SESTD1: variants seen among roughly 807,000 people sequenced by gnomAD.
The protein encoded by SESTD1 is SEC14 domain and spectrin repeat-containing protein 1.
A neutral mutation model predicts 101.7 loss-of-function variants in SESTD1; 43 were observed. The ratio of observed to expected loss-of-function variants is 0.42; its 90% confidence interval spans 0.33 to 0.55. The LOEUF is 0.55. Ranked by LOEUF, SESTD1 falls within the 20% of genes least tolerant of loss-of-function variation. The probability of loss-of-function intolerance (pLI) is 0.07; values close to 1 mark genes in which losing one functional copy is unlikely to be tolerated. For synonymous variants in SESTD1, 283 were observed against 286.8 expected, an observed-to-expected ratio of 0.99 and a Z score of 0.13; for missense variants, 647 against 815.1, an observed-to-expected ratio of 0.79 and a Z score of 2.51.
At chr2:179,158,668 TAAA>T (rs2045675647) in intron 5 of SESTD1, among the ~76,000 whole-genome samples, 1 of 152,196 alleles carries the variant, frequency 6.6e-6, no homozygotes, top group African/African-American at 2.4e-5. Context: ...AAAATAGTTT[TAAA>T]TAAGGGAAGG....
At chr2:179,194,779 AAACCCAG>A (rs1200348472) in intron 1 of SESTD1, among the ~76,000 whole-genome samples, 1 of 152,190 alleles carries the variant, frequency 6.6e-6, no homozygotes, top group Non-Finnish European at 1.5e-5. Flanking sequence ...GGTCAAATTA[AAACCCAG>A]CCCTATTTTA....
intron 1 of SESTD1, among the ~76,000 whole-genome samples, chr2:179,209,622 C>T (rs528460270): frequency 7.4e-6 from 1 of 134,414 alleles, no homozygotes; most frequent in Admixed American, 7.2e-5. Context: ...ATCTTTTGGG[C>T]AACAATAAAA....
chr2:179,164,621 T>A (rs1367122700), intron 5 of SESTD1, among the ~76,000 whole-genome samples: 1 of 152,188 alleles, frequency 6.6e-6, no homozygotes, highest in Non-Finnish European at 1.5e-5. Flanking sequence ...CAGGTAGGTA[T>A]CTATGTCAGA....
At position 179,109,625 on chromosome 2, in the gene SESTD1, A is replaced by G; in HGVS notation, c.*274T>C. 1 of 451,378 alleles carries G rather than the reference A, an allele frequency of 2.2e-6. No homozygotes were observed. The highest frequency in any genetic ancestry group is 3.2e-5 in the East Asian group (1 of 31,648). 28.0% of individuals were successfully genotyped at this position (451,378 alleles called of 1,614,324 possible). On this transcript the variant is annotated 3_prime_UTR_variant, in exon 18 of 18. Coordinates refer to ENST00000428443, the MANE Select transcript of SESTD1 (RefSeq NM_178123.5). ...AGCTTATTATCAGTTGTTTGTCTAC[A>G]AACTGACAGGTCAGGTAAAGCTTTA...
At chr2:179,224,330 G>A (rs1330019040) in intron 1 of SESTD1, among the ~76,000 whole-genome samples, 1 of 152,166 alleles carries the variant, frequency 6.6e-6, no homozygotes, top group Non-Finnish European at 1.5e-5. Context: ...GAGGAAAACA[G>A]CAGCCTAGTG....
intron 7 of SESTD1, among the ~76,000 whole-genome samples, chr2:179,148,797 A>G (rs1321395840): frequency 6.6e-6 from 1 of 152,172 alleles, no homozygotes; most frequent in East Asian, 1.9e-4. Flanking sequence ...GCGGTGGCTC[A>G]CGTCTGTAAT....
chr2:179,163,591 AG>A (rs145126313), intron 5 of SESTD1, among the ~76,000 whole-genome samples: 13,035 of 149,614 alleles, frequency 0.087, 1,852 homozygotes, highest in African/African-American at 0.31. Flanking sequence ...GAAAAAAAAA[AG>A]ATCACTACCC....
At chr2:179,228,152 T>C (rs2046918471) in intron 1 of SESTD1, among the ~76,000 whole-genome samples, 1 of 152,282 alleles carries the variant, frequency 6.6e-6, no homozygotes, top group South Asian at 2.1e-4. Context: ...TGTGTAAGTA[T>C]AGTGTCATTT....
At chr2:179,185,682 TATATATAATATAGTATATTATATACA>T (rs1553522138) in intron 2 of SESTD1, among the ~76,000 whole-genome samples, 3 of 107,842 alleles carry the variant, frequency 2.8e-5, no homozygotes, top group Non-Finnish European at 5.3e-5. Flanking sequence ...TATAGCATAT[TATATATAATATAGTATATTATATACA>T]ATATATAATA....
At chr2:179,192,715 C>T (rs904917463) in intron 1 of SESTD1, among the ~76,000 whole-genome samples, 2 of 152,188 alleles carry the variant, frequency 1.3e-5, no homozygotes, top group African/African-American at 4.8e-5. Flanking sequence ...TTGGCCAGCC[C>T]AGTATACCAT....
At chr2:179,256,853 T>C (rs1252985554) in intron 1 of SESTD1, among the ~76,000 whole-genome samples, 1 of 151,710 alleles carries the variant, frequency 6.6e-6, no homozygotes, top group Non-Finnish European at 1.5e-5. Context: ...CAGTCACTTC[T>C]TACAGAGGAG....
intron 1 of SESTD1, among the ~76,000 whole-genome samples, chr2:179,197,516 C>A (rs2046421201): frequency 6.6e-6 from 1 of 152,040 alleles, no homozygotes; most frequent in Admixed American, 6.6e-5. Flanking sequence ...GTCAGATTCA[C>A]CAAAGTTGAA....
At chr2:179,181,533 A>T (rs2046109376) in intron 3 of SESTD1, among the ~76,000 whole-genome samples, 1 of 152,170 alleles carries the variant, frequency 6.6e-6, no homozygotes, top group Non-Finnish European at 1.5e-5. Context: ...TGGACTTCAC[A>T]TGAGATGCAA....
intron 2 of SESTD1, among the ~76,000 whole-genome samples, chr2:179,188,454 A>C (rs1384755888): frequency 6.6e-6 from 1 of 152,224 alleles, no homozygotes; most frequent in Non-Finnish European, 1.5e-5. Context: ...CCTGTGCAAC[A>C]CAGCAAAACC....
rs2044404809 is a variant in SESTD1, at chr2:179,107,284, A to G, written c.*2615T>C. 1 of 152,208 alleles carries G rather than the reference A, an allele frequency of 6.6e-6. No individual in the cohort carries two copies. Among genetic ancestry groups the G allele is most frequent in the South Asian group, 2.1e-4 (1 of 4,834 alleles). The allele number at this position is 152,208 out of a possible 1,614,324, so 9.4% of individuals were successfully genotyped here. A position where few individuals can be genotyped will look rare whatever the true frequency, so the allele number is the denominator to read the frequency against. On this transcript the variant is annotated 3_prime_UTR_variant, in exon 18 of 18. Coordinates refer to ENST00000428443, the MANE Select transcript of SESTD1 (RefSeq NM_178123.5). ...CATATGAAAGCAGCAGCAAATTTAC[A>G]GATGAGGAGCAATGATATTCATTAT... is the stretch of plus-strand genomic sequence containing the variant.
At chr2:179,163,574 A>T (rs990340241) in intron 5 of SESTD1, among the ~76,000 whole-genome samples, 5 of 145,672 alleles carry the variant, frequency 3.4e-5, no homozygotes, top group South Asian at 2.1e-4. Context: ...TATATATATA[A>T]AAGAAGGAAA....
intron 2 of SESTD1, among the ~76,000 whole-genome samples, chr2:179,189,080 G>C (rs75315941): frequency 1.3e-5 from 2 of 152,198 alleles, no homozygotes; most frequent in Non-Finnish European, 2.9e-5. Flanking sequence ...TGTAAAGCCA[G>C]CATCATCCTG....
intron 5 of SESTD1, among the ~76,000 whole-genome samples, chr2:179,162,781 T>TCG (rs1409626236): frequency 1.3e-5 from 2 of 150,886 alleles, no homozygotes; most frequent in Admixed American, 6.6e-5. Context: ...AGGTAGGAGT[T>TCG]CGAGATCAGC....
intron 2 of SESTD1, among the ~76,000 whole-genome samples, chr2:179,188,336 G>A (rs2046266784): frequency 6.6e-6 from 1 of 152,164 alleles, no homozygotes. Flanking sequence ...TGAATGTTGT[G>A]TAAACAAAAT....
Sources: gnomAD v4.1 joint callset for allele counts (sites outside exome capture counted in the v4.1 genomes callset) on GRCh38, gnomAD v4.1.1 for gene constraint, MANE v1.5 for transcripts, NCBI Gene and HGNC (gene_info 2026-07-23, HGNC 2026-07-21) for gene names.